KCNAB1: variants seen among roughly 807,000 people sequenced by gnomAD.
KCNAB1 encodes the protein voltage-gated potassium channel subunit beta-1.
Under a neutral mutation model 64.6 loss-of-function variants are expected in KCNAB1, and 35 were observed. That is an observed-to-expected ratio of 0.54 (90% CI 0.41 to 0.72). The LOEUF (loss-of-function observed/expected upper bound fraction) is 0.72, where lower values mean the gene tolerates loss of function less well. KCNAB1 is among the 30% of genes least tolerant of loss of function. The pLI, the probability that KCNAB1 is intolerant of heterozygous loss-of-function variation, is 0.00. For missense variants in KCNAB1, 401 were observed against 512.9 expected, an observed-to-expected ratio of 0.78 and a Z score of 2.11; for synonymous variants, 177 against 183.8, an observed-to-expected ratio of 0.96 and a Z score of 0.30.
chr3:156,223,998 C>G (rs1411427852), intron 1 of KCNAB1, among the ~76,000 whole-genome samples: 2 of 152,246 alleles, frequency 1.3e-5, no homozygotes, highest in Admixed American at 1.3e-4. Flanking sequence ...CGCGCAGGAG[C>G]CCACTGCAGT....
Position 156,457,484 on chromosome 3 carries a change from A to G in KCNAB1, c.389A>G (p.Glu130Gly), listed in dbSNP as rs942904415. Residue 130 changes from glutamate (E) to glycine (G), a missense_variant, in exon 4 of 14, where the codon GAA becomes GGA. Physicochemically the swap from Glu to Gly is moderately conservative, Grantham distance 98. Coordinates refer to ENST00000490337, the MANE Select transcript of KCNAB1 (RefSeq NM_172160.3). ...GAACGGCTGATGACCATCGCCTATG[A>G]AAGTGGTGTTAACCTCTTTGATACT... Reference protein sequence around the residue: ...VAERLMTIAYESGVNLFDTAE... With the variant: ...VAERLMTIAYGSGVNLFDTAE... 6.8e-6 allele frequency: 11 copies of G among 1,613,820 alleles called. No homozygotes were observed. In the African/African-American group the frequency reaches 1.2e-4, roughly 18 times the overall value.
Position 156,537,120 on chromosome 3 carries a change from T to C in KCNAB1, c.*373T>C. ...AAAAGAACAAAATCCACAGATGCAA[T>C]GTGAGTTGCGTAAGAAACAGAGTAG... On this transcript the variant is annotated 3_prime_UTR_variant, in exon 14 of 14. Coordinates refer to ENST00000490337, the MANE Select transcript of KCNAB1 (RefSeq NM_172160.3). The C allele has an allele frequency of 2.5e-6, 1 of 401,574 alleles. No individual in the cohort carries two copies. The highest frequency in any genetic ancestry group is 2.1e-5 in the African/African-American group (1 of 48,760). The allele number at this position is 401,574 out of a possible 1,614,324, so 24.9% of individuals were successfully genotyped here. A position where few individuals can be genotyped will look rare whatever the true frequency, so the allele number is the denominator to read the frequency against.
chr3:156,363,118 G>C (rs1452401056), intron 1 of KCNAB1, among the ~76,000 whole-genome samples: 1 of 152,180 alleles, frequency 6.6e-6, no homozygotes, highest in African/African-American at 2.4e-5. Context: ...CCATTACATT[G>C]CCTCAGAAAA....
chr3:156,410,111 A>G (rs992545916), intron 1 of KCNAB1, among the ~76,000 whole-genome samples: 1 of 152,252 alleles, frequency 6.6e-6, no homozygotes, highest in African/African-American at 2.4e-5. Context: ...AAATGAAATT[A>G]AATAATAAAA....
intron 1 of KCNAB1, among the ~76,000 whole-genome samples, chr3:156,242,003 G>A (rs991081048): frequency 9.2e-5 from 14 of 152,046 alleles, no homozygotes; most frequent in Non-Finnish European, 1.5e-4. Flanking sequence ...GAAGCAATTC[G>A]GACATCAACA....
At chr3:156,425,584 C>T (rs1715761663) in intron 2 of KCNAB1, among the ~76,000 whole-genome samples, 1 of 152,122 alleles carries the variant, frequency 6.6e-6, no homozygotes, top group African/African-American at 2.4e-5. Flanking sequence ...ACCAAACTCA[C>T]CCCGATCTGA....
At chr3:156,179,507 T>C (rs1207351188) in intron 1 of KCNAB1, among the ~76,000 whole-genome samples, 4 of 120,830 alleles carry the variant, frequency 3.3e-5, no homozygotes, top group African/African-American at 1.3e-4. Flanking sequence ...CCCAGCCACA[T>C]ACATGTGTTT....
chr3:156,283,989 C>A (rs1273635487), intron 1 of KCNAB1, among the ~76,000 whole-genome samples: 1 of 152,158 alleles, frequency 6.6e-6, no homozygotes, highest in Middle Eastern at 3.4e-3. Flanking sequence ...CTCCATCCAG[C>A]TTTGTTCCGT....
chr3:156,180,748 C>G (rs898699134), intron 1 of KCNAB1, among the ~76,000 whole-genome samples: 3 of 152,120 alleles, frequency 2.0e-5, no homozygotes, highest in Admixed American at 6.6e-5. Flanking sequence ...ATGCCTCACC[C>G]AGGAGAGTAG....
At chr3:156,500,224 C>T (rs1162668420) in intron 8 of KCNAB1, among the ~76,000 whole-genome samples, 4 of 152,166 alleles carry the variant, frequency 2.6e-5, no homozygotes, top group East Asian at 1.9e-4. Context: ...TGACCTCACA[C>T]GTTACTGACA....
chr3:156,501,191 C>T (rs1716376599), intron 8 of KCNAB1, among the ~76,000 whole-genome samples: 1 of 152,102 alleles, frequency 6.6e-6, no homozygotes, highest in African/African-American at 2.4e-5. Flanking sequence ...CTATTTACCT[C>T]CATAGAAACA....
At chr3:156,330,915 T>C (rs993867007) in intron 1 of KCNAB1, among the ~76,000 whole-genome samples, 1 of 152,188 alleles carries the variant, frequency 6.6e-6, no homozygotes, top group Non-Finnish European at 1.5e-5. Flanking sequence ...ATTTTGGTGT[T>C]CCTCTTATGG....
intron 1 of KCNAB1, among the ~76,000 whole-genome samples, chr3:156,311,676 G>A (rs1325626953): frequency 2.0e-5 from 3 of 152,200 alleles, no homozygotes; most frequent in African/African-American, 7.2e-5. Context: ...CACTGAGTGA[G>A]TGGTCCAATA....
chr3:156,124,800 G>C (rs1037663939), intron 1 of KCNAB1, among the ~76,000 whole-genome samples: 4 of 151,842 alleles, frequency 2.6e-5, no homozygotes, highest in African/African-American at 9.7e-5. Context: ...GAACTTTTCC[G>C]GGTCTCAATT....
chr3:156,342,683 CA>C (rs1724224343), intron 1 of KCNAB1, among the ~76,000 whole-genome samples: 1 of 136,104 alleles, frequency 7.3e-6, no homozygotes, highest in African/African-American at 2.8e-5. Flanking sequence ...CATATGTATA[CA>C]TGTGCCATGC....
chr3:156,269,457 T>C (rs1718903368), intron 1 of KCNAB1, among the ~76,000 whole-genome samples: 1 of 152,254 alleles, frequency 6.6e-6, no homozygotes. Flanking sequence ...GCAAGAAGAA[T>C]GTGCATTCTG....
intron 1 of KCNAB1, among the ~76,000 whole-genome samples, chr3:156,249,571 G>GAAAAAAAAGA (rs755905237): frequency 7.4e-6 from 1 of 134,350 alleles, no homozygotes; most frequent in Non-Finnish European, 1.6e-5. Flanking sequence ...AAAAAAAAAA[G>GAAAAAAAAGA]AAAAAAAAGA....
intron 1 of KCNAB1, among the ~76,000 whole-genome samples, chr3:156,416,318 T>G (rs141721271): frequency 2.8e-4 from 42 of 152,350 alleles, no homozygotes; most frequent in Non-Finnish European, 3.8e-4. Context: ...CAGACTCATG[T>G]AGAGCCACTC....
At chr3:156,236,211 GA>G (rs370183772) in intron 1 of KCNAB1, among the ~76,000 whole-genome samples, 24 of 152,248 alleles carry the variant, frequency 1.6e-4, no homozygotes, top group African/African-American at 5.5e-4. Context: ...CTTTGTGCTG[GA>G]AAACTCTCTC....
Sources: allele counts gnomAD v4.1 joint callset (sites outside exome capture counted in the v4.1 genomes callset), GRCh38; gene constraint gnomAD v4.1.1; transcripts MANE v1.5; gene names NCBI Gene and HGNC (gene_info 2026-07-23, HGNC 2026-07-21).